SULF1: variants seen among roughly 807,000 people sequenced by gnomAD.
SULF1 encodes the protein extracellular sulfatase Sulf-1.
SULF1 carries 46 observed loss-of-function variants against 110.5 expected under a neutral mutation model. That is an observed-to-expected ratio of 0.42 (90% CI 0.33 to 0.53). The LOEUF (loss-of-function observed/expected upper bound fraction) is 0.53, where lower values mean the gene tolerates loss of function less well. Among genes scored for constraint, SULF1 ranks in the 20% least tolerant of loss-of-function variants. The pLI is 0.12. For synonymous variants in SULF1, 371 were observed against 387.1 expected (o/e 0.96, Z 0.49); for missense variants, 941 against 1,094.2 (o/e 0.86, Z 1.98).
In SULF1 at chr8:69,651,788, A is replaced by T. The variant is rs536445098; in HGVS notation, c.2586-6717A>T. Among the ~76,000 whole-genome samples the T allele has an allele frequency of 1.3e-5, 2 of 152,258 alleles. 1 individual carries two copies. The highest frequency in any genetic ancestry group is 4.2e-4 in the South Asian group (2 of 4,818). On this transcript the variant is annotated intron_variant, in intron 22 of 22. Coordinates refer to ENST00000402687, the MANE Select transcript of SULF1 (RefSeq NM_001128205.2). ...ATTTTATTTAAGATTTTTGTATCAT[A>T]TTTTTAAATGATACCAATCTGTGAT...
chr8:69,547,200 G>A (rs1025014382), intron 3 of SULF1, among the ~76,000 whole-genome samples: 46 of 151,930 alleles, frequency 3.0e-4, no homozygotes, highest in African/African-American at 1.0e-3. Flanking sequence ...TGGGGTGGGG[G>A]AGGACTAATA....
intron 3 of SULF1, among the ~76,000 whole-genome samples, chr8:69,555,890 T>A (rs1207142294): frequency 6.6e-6 from 1 of 152,204 alleles, no homozygotes; most frequent in East Asian, 1.9e-4. Context: ...TACTTCAACT[T>A]AAAATGTATC....
intron 3 of SULF1, among the ~76,000 whole-genome samples, chr8:69,510,882 G>T (rs1391839171): frequency 1.3e-5 from 2 of 151,704 alleles, no homozygotes; most frequent in African/African-American, 4.8e-5. Context: ...CTCCCAAAGT[G>T]CTGGGATTAC....
rs137877403 is a variant in SULF1, at chr8:69,632,162, C to T, written c.2284+2483C>T. On this transcript the variant is annotated intron_variant, in intron 19 of 22. Coordinates refer to ENST00000402687, the MANE Select transcript of SULF1 (RefSeq NM_001128205.2). ...TGTCACTGTGCTGGTGAGTGAGGAA[C>T]GTGCCTGCCATCACTCTGCTCTTGT... is the stretch of plus-strand genomic sequence containing the variant. 3.7e-4 allele frequency among the ~76,000 whole-genome samples: 56 copies of T among 152,302 alleles called. 1 individual carries two copies. The East Asian group carries it at 8.7e-3, about 24-fold the overall frequency.
At chr8:69,601,905 G>A (rs1807847479) in intron 10 of SULF1, 76 bp downstream of exon 10, 2 of 1,425,610 alleles carry the variant, frequency 1.4e-6, no homozygotes, top group Admixed American at 4.6e-5. Context: ...ACCAGTCTCA[G>A]TATCTGGTTT....
intron 3 of SULF1, among the ~76,000 whole-genome samples, chr8:69,505,747 G>C (rs926580550): frequency 6.6e-6 from 1 of 151,882 alleles, no homozygotes; most frequent in African/African-American, 2.4e-5. Context: ...TATATTTGGG[G>C]GTGCTAAAAA....
intron 3 of SULF1, among the ~76,000 whole-genome samples, chr8:69,506,188 T>A (rs1811182844): frequency 6.6e-6 from 1 of 152,048 alleles, no homozygotes; most frequent in African/African-American, 2.4e-5. Context: ...ATGTGGGACA[T>A]ATAAGTTGCT....
chr8:69,646,852 T>G (rs1811947203), intron 22 of SULF1, among the ~76,000 whole-genome samples: 1 of 151,852 alleles, frequency 6.6e-6, no homozygotes, highest in South Asian at 2.1e-4. Context: ...ACCTGAAAAG[T>G]AAGCCCTGAA....
At chr8:69,562,773 C>T (rs1815595638) in intron 3 of SULF1, 1 of 153,178 alleles carries the variant, frequency 6.5e-6, no homozygotes, top group Non-Finnish European at 1.5e-5. Flanking sequence ...AATCATTTTG[C>T]TTTGCAGGTT....
chr8:69,558,467 C>T (rs897189380), intron 3 of SULF1, among the ~76,000 whole-genome samples: 4 of 152,140 alleles, frequency 2.6e-5, no homozygotes, highest in Admixed American at 1.3e-4. Flanking sequence ...ATTTCTGTGG[C>T]GAGTGGGTTG....
intron 8 of SULF1, chr8:69,592,804 A>G (rs547506184): frequency 4.5e-6 from 2 of 442,760 alleles, no homozygotes. Context: ...CTTAAGGTTT[A>G]GGGGAAGCAG....
chr8:69,496,833 C>T (rs564063421), intron 2 of SULF1, among the ~76,000 whole-genome samples: 5 of 152,320 alleles, frequency 3.3e-5, no homozygotes, highest in South Asian at 4.1e-4. Context: ...GTGGATAGTT[C>T]GCAGCTGTGA....
At chr8:69,505,206 T>G (rs1320977111) in intron 3 of SULF1, among the ~76,000 whole-genome samples, 1 of 152,200 alleles carries the variant, frequency 6.6e-6, no homozygotes, top group Non-Finnish European at 1.5e-5. Flanking sequence ...AAAAGGACAA[T>G]TAAATTTCAC....
At chr8:69,498,113 C>CCA (rs71257190) in intron 2 of SULF1, among the ~76,000 whole-genome samples, 20,766 of 148,488 alleles carry the variant, frequency 0.14, 1,598 homozygotes, top group Non-Finnish European at 0.18. Flanking sequence ...CTCTCTCTCT[C>CCA]CACACACACA....
chr8:69,616,835 G>A (rs1809188860), intron 13 of SULF1, among the ~76,000 whole-genome samples: 1 of 151,772 alleles, frequency 6.6e-6, no homozygotes, highest in South Asian at 2.1e-4. Context: ...TTACAGGCGT[G>A]AGCCACCACA....
At chr8:69,472,993 T>C (rs1809148916) in intron 1 of SULF1, among the ~76,000 whole-genome samples, 1 of 152,034 alleles carries the variant, frequency 6.6e-6, no homozygotes, top group African/African-American at 2.4e-5. Context: ...TGCACCACCA[T>C]ACCCAGCTAT....
intron 1 of SULF1, among the ~76,000 whole-genome samples, chr8:69,468,907 T>C (rs79759599): frequency 0.025 from 3,882 of 152,288 alleles, 143 homozygotes; most frequent in African/African-American, 0.082. Flanking sequence ...ACATCCCTGA[T>C]GTTGCAGATC....
intron 3 of SULF1, among the ~76,000 whole-genome samples, chr8:69,557,838 C>T (rs77761873): frequency 0.012 from 1,760 of 152,200 alleles, 29 homozygotes; most frequent in African/African-American, 0.04. Flanking sequence ...ATCATTTAGC[C>T]AAATATTTCC....
chr8:69,472,995 C>T (rs147468157), intron 1 of SULF1, among the ~76,000 whole-genome samples: 1 of 152,010 alleles, frequency 6.6e-6, no homozygotes, highest in South Asian at 2.1e-4. Flanking sequence ...CACCACCATA[C>T]CCAGCTATTT....
Sources: allele counts gnomAD v4.1 joint callset (sites outside exome capture counted in the v4.1 genomes callset), GRCh38; gene constraint gnomAD v4.1.1; transcripts MANE v1.5; gene names NCBI Gene and HGNC (gene_info 2026-07-23, HGNC 2026-07-21).